RUFY4: variants seen among roughly 807,000 people sequenced by gnomAD.
The protein encoded by RUFY4 is RUN and FYVE domain containing 4.
In RUFY4, 73 loss-of-function variants were observed where a neutral mutation model predicts 69.0. That is an observed-to-expected ratio of 1.06 (90% confidence interval 0.88 to 1.29). The LOEUF (loss-of-function observed/expected upper bound fraction) is 1.29. Among genes scored for constraint, RUFY4 ranks in the 50% most tolerant of loss-of-function variants. The pLI is 0.00. For synonymous variants in RUFY4, 287 were observed against 271.8 expected, an observed-to-expected ratio of 1.06 and a Z score of -0.55; for missense variants, 770 against 705.6, an observed-to-expected ratio of 1.09 and a Z score of -1.03.
chr2:218,054,030 G>T (rs537559063), intron 2 of RUFY4, among the ~76,000 whole-genome samples: 1 of 152,350 alleles, frequency 6.6e-6, no homozygotes, highest in South Asian at 2.1e-4. Context: ...ATAAAAGTCT[G>T]ATGGTCCTGG....
At chr2:218,075,538 G>A in exon 7 of RUFY4, 1 of 1,542,576 alleles carries the variant, frequency 6.5e-7, no homozygotes, top group East Asian at 2.3e-5. Context: ...CTGATGCCCA[G>A]CCCCAGAGGG....
At chr2:218,060,606 C>T in intron 3 of RUFY4, 1 of 1,345,660 alleles carries the variant, frequency 7.4e-7, no homozygotes, top group Non-Finnish European at 1.1e-6. Context: ...GGGTGTCTGC[C>T]AGCAGGACCA....
chr2:218,085,464 A>G (rs1197873670), intron 9 of RUFY4, among the ~76,000 whole-genome samples: 11 of 152,208 alleles, frequency 7.2e-5, no homozygotes, highest in Admixed American at 5.9e-4. Context: ...TAAAATGACT[A>G]TAAAAGACTA....
chr2:218,089,749 G>A (rs563889393), intron 10 of RUFY4: 1 of 704,974 alleles, frequency 1.4e-6, no homozygotes, highest in South Asian at 1.5e-5. Context: ...ATGTGGAGGT[G>A]GAGGCTCTGG....
At chr2:218,085,012 C>T (rs892953776) in intron 9 of RUFY4, among the ~76,000 whole-genome samples, 1 of 152,178 alleles carries the variant, frequency 6.6e-6, no homozygotes, top group Non-Finnish European at 1.5e-5. Flanking sequence ...CGTGCCACTG[C>T]ACTCCAGCCT....
At chr2:218,053,664 C>T (rs951867460) in intron 2 of RUFY4, among the ~76,000 whole-genome samples, 1 of 152,194 alleles carries the variant, frequency 6.6e-6, no homozygotes. Flanking sequence ...CGTCTGCCAC[C>T]GCGCCCGGCT....
At chr2:218,041,444 G>A (rs893031803) in intron 2 of RUFY4, among the ~76,000 whole-genome samples, 4 of 152,132 alleles carry the variant, frequency 2.6e-5, no homozygotes, top group Admixed American at 6.5e-5. Flanking sequence ...ATATATTTAG[G>A]TCTGAGACAT....
At position 218,075,394 on chromosome 2, in the gene RUFY4, G is replaced by C. The variant is rs1173969448; in HGVS notation, c.902G>C (p.Gly301Ala). The C allele has an allele frequency of 4.3e-6, 7 of 1,613,118 alleles. No individual in the cohort carries two copies. The Admixed American group carries it at 6.7e-5, about 15-fold the overall frequency. Reference sequence around the variant, plus strand: ...CCCAGCACCCAGGGACAGGGGAAGGGGGCTATGGGCACTCAGAAGGAGGTG... The same window carrying C: ...CCCAGCACCCAGGGACAGGGGAAGGCGGCTATGGGCACTCAGAAGGAGGTG... Residue 301 changes from glycine (G) to alanine (A), a missense_variant, in exon 7 of 11, where the codon GGG becomes GCG. By Grantham distance (60) the Gly-to-Ala change is moderately conservative (BLOSUM62 0). Transcript: ENST00000344321.
intron 2 of RUFY4, among the ~76,000 whole-genome samples, chr2:218,053,476 G>A (rs1688989358): frequency 6.6e-6 from 1 of 151,574 alleles, no homozygotes; most frequent in Non-Finnish European, 1.5e-5. Context: ...TTCCCAGGTA[G>A]CTCAGACTAC....
At chr2:218,083,173 G>A (rs925523602) in exon 9 of RUFY4, 20 of 1,613,652 alleles carry the variant, frequency 1.2e-5, no homozygotes, top group Admixed American at 1.7e-5. Context: ...AGGCTGAGAG[G>A]AGGGATGCCA....
intron 2 of RUFY4, among the ~76,000 whole-genome samples, chr2:218,050,701 T>C (rs981245319): frequency 6.6e-6 from 1 of 152,232 alleles, no homozygotes; most frequent in African/African-American, 2.4e-5. Flanking sequence ...CAGTGTTATA[T>C]TTGTCTCTGC....
chr2:218,060,454 T>C lies in RUFY4; in HGVS notation c.-1071+1773T>C. On this transcript the variant is annotated intron_variant and NMD_transcript_variant, in intron 3 of 13. Transcript: ENST00000457754. ...TATGGCTATAATCTTGAGAAGTCCA[T>C]GGCAAAACTTCTGGCCAATGAAGGC... is the stretch of plus-strand genomic sequence containing the variant. 2.8e-6 allele frequency: 4 copies of C among 1,447,340 alleles called. No homozygotes were observed. In the East Asian group the frequency reaches 6.8e-5, roughly 25 times the overall value. The allele number at this position is 1,447,340 out of a possible 1,614,324, so 89.7% of individuals were successfully genotyped here. A position where few individuals can be genotyped will look rare whatever the true frequency, so the allele number is the denominator to read the frequency against.
chr2:218,076,387 T>G (rs769349792), intron 7 of RUFY4, 40 bp from the exon 10 acceptor site: 1 of 1,544,634 alleles, frequency 6.5e-7, no homozygotes, highest in Non-Finnish European at 8.7e-7. Flanking sequence ...GTCTCTGCCC[T>G]TCTCCTTCAG....
upstream of RUFY4, chr2:218,070,416 A>G (rs4672868): frequency 0.32 from 204,699 of 635,198 alleles, 34,355 homozygotes; most frequent in Admixed American, 0.4. Context: ...ATCTTCACAC[A>G]CTGGCCTACA....
chr2:218,048,451 T>G (rs921193969), intron 2 of RUFY4, among the ~76,000 whole-genome samples: 1 of 152,218 alleles, frequency 6.6e-6, no homozygotes, highest in Non-Finnish European at 1.5e-5. Flanking sequence ...TAGATCCCAT[T>G]TGTCAATTTT....
upstream of RUFY4, among the ~76,000 whole-genome samples, chr2:218,067,206 G>A (rs1243419973): frequency 6.6e-6 from 1 of 152,166 alleles, no homozygotes; most frequent in African/African-American, 2.4e-5. Flanking sequence ...TCTAACCCCA[G>A]CCACTGGCAC....
intron 8 of RUFY4, among the ~76,000 whole-genome samples, chr2:218,078,711 T>C (rs1162993117): frequency 6.6e-6 from 1 of 152,150 alleles, no homozygotes; most frequent in Non-Finnish European, 1.5e-5. Context: ...CCTCAATCAA[T>C]TTCAGAACAT....
chr2:218,046,804 C>G (rs1485993873), intron 2 of RUFY4, among the ~76,000 whole-genome samples: 1 of 152,158 alleles, frequency 6.6e-6, no homozygotes, highest in Admixed American at 6.5e-5. Flanking sequence ...ATTAGTTTAA[C>G]TTCCCTCTTG....
At chr2:218,045,110 G>GT in intron 2 of RUFY4, among the ~76,000 whole-genome samples, 1 of 152,204 alleles carries the variant, frequency 6.6e-6, no homozygotes, top group East Asian at 1.9e-4. Context: ...AGCATCTGTT[G>GT]TTTTTTGACT....
Sources: gnomAD v4.1 joint callset for allele counts (sites outside exome capture counted in the v4.1 genomes callset) on GRCh38, gnomAD v4.1.1 for gene constraint, MANE v1.5 for transcripts, NCBI Gene and HGNC (gene_info 2026-07-23, HGNC 2026-07-21) for gene names.